Variants in DPP10 observed in about 807,000 individuals in gnomAD.
The protein encoded by DPP10 is dipeptidyl peptidase like 10, also known as inactive dipeptidyl peptidase 10.
In DPP10, 33 loss-of-function variants were observed where a neutral mutation model predicts 120.9. That is an observed-to-expected ratio of 0.27 (90% CI 0.21 to 0.37). The LOEUF is 0.37. DPP10 is among the 10% of genes least tolerant of loss of function. DPP10 has a pLI of 1.00. For synonymous variants in DPP10, 337 were observed against 326.1 expected (o/e 1.03, Z -0.36); for missense variants, 816 against 942.8 (o/e 0.87, Z 1.76).
chr2:114,927,425 A>G, intron 1 of DPP10, among the ~76,000 whole-genome samples: 1 of 152,068 alleles, frequency 6.6e-6, no homozygotes, highest in East Asian at 1.9e-4. Context: ...ATCAATCAAT[A>G]TATGTAAGAA....
Position 115,815,677 on chromosome 2 carries a change from T to C in DPP10, c.1898T>C (p.Phe633Ser). 1 of 1,600,642 alleles carries C rather than the reference T, an allele frequency of 6.2e-7. No individual in the cohort carries two copies. The highest frequency in any genetic ancestry group is 8.5e-7 in the Non-Finnish European group (1 of 1,172,932). The change falls in exon 21 of 26, where the codon TTT becomes TCT. Residue 633 changes from phenylalanine (F) to serine (S), a missense_variant and splice_region_variant. Coordinates refer to ENST00000410059, the MANE Select transcript of DPP10 (RefSeq NM_020868.6). Reference protein sequence around the residue: ...EVKDQITAVKFLLKLPYIDSK... With the variant: ...EVKDQITAVKSLLKLPYIDSK... ...ATTGTTTTTCGTTTTCATTGCAGAT[T>C]TTTGCTGAAACTGCCTTACATTGAC...
chr2:114,869,477 C>A (rs1690514063), intron 1 of DPP10, among the ~76,000 whole-genome samples: 1 of 152,256 alleles, frequency 6.6e-6, no homozygotes, highest in Admixed American at 6.5e-5. Context: ...ACAGTCCCCC[C>A]AGGTTCAGAA....
intron 24 of DPP10, among the ~76,000 whole-genome samples, chr2:115,840,318 G>GTTTTTTTTTTTTTTTTTTTTTTTTT (rs1559227733): frequency 3.1e-5 from 1 of 31,858 alleles, no homozygotes; most frequent in African/African-American, 9.8e-5. Flanking sequence ...AAGGTTTTTT[G>GTTTTTTTTTTTTTTTTTTTTTTTTT]GTTTTTTTTT....
At chr2:115,536,478 T>C (rs2078849564) in intron 5 of DPP10, among the ~76,000 whole-genome samples, 1 of 152,008 alleles carries the variant, frequency 6.6e-6, no homozygotes, top group African/African-American at 2.4e-5. Context: ...CACTAATAAA[T>C]ATCTGTCTTT....
At chr2:115,296,110 C>G (rs775470736) in intron 1 of DPP10, among the ~76,000 whole-genome samples, 1 of 152,052 alleles carries the variant, frequency 6.6e-6, no homozygotes, top group Non-Finnish European at 1.5e-5. Flanking sequence ...TCTGGTGAGC[C>G]TTAGGAAAAA....
chr2:115,071,734 T>C (rs955233991), intron 1 of DPP10, among the ~76,000 whole-genome samples: 4 of 151,862 alleles, frequency 2.6e-5, no homozygotes, highest in African/African-American at 9.7e-5. Context: ...GTTTCAGCAG[T>C]AGGTGAGGGC....
intron 1 of DPP10, among the ~76,000 whole-genome samples, chr2:114,983,211 G>A (rs1218914790): frequency 6.6e-6 from 1 of 152,108 alleles, no homozygotes; most frequent in African/African-American, 2.4e-5. Context: ...TTTTAAATCA[G>A]GGTTATCAGA....
chr2:114,886,547 G>T (rs1235409227), intron 1 of DPP10, among the ~76,000 whole-genome samples: 1 of 152,158 alleles, frequency 6.6e-6, no homozygotes, highest in African/African-American at 2.4e-5. Context: ...TATGGTATTT[G>T]GGGGTGGAAA....
chr2:114,548,491 G>A (rs749152849), intron 1 of DPP10, among the ~76,000 whole-genome samples: 26 of 152,232 alleles, frequency 1.7e-4, no homozygotes, highest in Middle Eastern at 3.4e-3. Flanking sequence ...TGAGAAGGGC[G>A]GGCTAGTTAC....
chr2:115,062,664 G>A (rs1014424805), intron 1 of DPP10, among the ~76,000 whole-genome samples: 5 of 152,146 alleles, frequency 3.3e-5, no homozygotes, highest in Non-Finnish European at 5.9e-5. Flanking sequence ...TCCTGTGCTA[G>A]TTTGCTGAGG....
chr2:115,542,933 AT>A (rs1558824596), intron 5 of DPP10, among the ~76,000 whole-genome samples: 1 of 151,930 alleles, frequency 6.6e-6, no homozygotes, highest in African/African-American at 2.4e-5. Flanking sequence ...TTTTAAAAAG[AT>A]TTCCATTTTA....
chr2:114,949,538 T>C (rs1697619648), intron 1 of DPP10, among the ~76,000 whole-genome samples: 1 of 152,230 alleles, frequency 6.6e-6, no homozygotes, highest in Non-Finnish European at 1.5e-5. Flanking sequence ...TTGTTTGGCT[T>C]CATCCTCAGA....
At chr2:115,477,090 C>G (rs973973241) in intron 3 of DPP10, among the ~76,000 whole-genome samples, 1 of 152,056 alleles carries the variant, frequency 6.6e-6, no homozygotes, top group Non-Finnish European at 1.5e-5. Flanking sequence ...GAAAAATTGT[C>G]CTTGAAGATC....
At chr2:115,785,289 A>G (rs985237496) in intron 17 of DPP10, among the ~76,000 whole-genome samples, 1 of 152,152 alleles carries the variant, frequency 6.6e-6, no homozygotes, top group African/African-American at 2.4e-5. Context: ...TGTTTTCTTG[A>G]AGTTTTCTCT....
At chr2:114,586,785 T>A (rs1291349068) in intron 1 of DPP10, among the ~76,000 whole-genome samples, 1 of 152,172 alleles carries the variant, frequency 6.6e-6, no homozygotes, top group Non-Finnish European at 1.5e-5. Flanking sequence ...GCTCTCTTAG[T>A]TCCCATGAGA....
chr2:115,692,198 G>A (rs1283390893), intron 7 of DPP10, among the ~76,000 whole-genome samples: 1 of 85,272 alleles, frequency 1.2e-5, no homozygotes, highest in African/African-American at 3.8e-5. Context: ...ATGGTTACTG[G>A]GTTAAGTTTT....
intron 1 of DPP10, among the ~76,000 whole-genome samples, chr2:114,642,880 T>G (rs552563479): frequency 2.6e-5 from 4 of 151,846 alleles, no homozygotes; most frequent in Non-Finnish European, 4.4e-5. Context: ...CAATAACCCA[T>G]GAAAATAATC....
chr2:115,484,561 T>A (rs1016610700), intron 3 of DPP10, among the ~76,000 whole-genome samples: 5 of 152,094 alleles, frequency 3.3e-5, no homozygotes, highest in African/African-American at 9.7e-5. Flanking sequence ...AAATATAGTT[T>A]TGGTTTTTTT....
rs1346678331 is a variant in DPP10, at chr2:115,499,517, T to A, written c.279T>A (p.Asp93Glu). Residue 93 changes from aspartate to glutamate, a missense_variant, in exon 4 of 26, where the codon GAT becomes GAA. This residue lies in a region of DPP10 where 182 missense variants were observed against 207.4 expected (regional missense o/e 0.88). Transcript: ENST00000410059. ...ATGTCTTTGTTGTTGCAGATACAGA[T>A]GTGGTGTATAAAAGCGAGAATGGAC... ...DPEARWINDTDVVYKSENGHV... is the reference protein window; with the variant it reads ...DPEARWINDTEVVYKSENGHV... 6.2e-7 allele frequency: 1 copy of A among 1,611,078 alleles called. No homozygotes were observed. The highest frequency in any genetic ancestry group is 8.5e-7 in the Non-Finnish European group (1 of 1,178,114).
Sources: gnomAD v4.1 joint callset for allele counts (sites outside exome capture counted in the v4.1 genomes callset) on GRCh38, gnomAD v4.1.1 for gene constraint, gnomAD v4.1.1 regional missense constraint, MANE v1.5 for transcripts, NCBI Gene and HGNC (gene_info 2026-07-23, HGNC 2026-07-21) for gene names.